Variants in HSF1 observed in about 807,000 individuals in gnomAD.
The protein encoded by HSF1 is heat shock transcription factor 1, also known as heat shock factor protein 1.
Under a neutral mutation model 51.7 loss-of-function variants are expected in HSF1, and 32 were observed. That is an observed-to-expected ratio of 0.62 (90% CI 0.47 to 0.83). The LOEUF (loss-of-function observed/expected upper bound fraction) is 0.83. Among genes scored for constraint, HSF1 ranks in the 40% least tolerant of loss-of-function variants. The pLI is 0.00. For synonymous variants in HSF1, 396 were observed against 309.7 expected (o/e 1.28, Z -2.92); for missense variants, 727 against 717.0 (o/e 1.01, Z -0.16).
chr8:144,295,723 T>TTC (rs1815411065), intron 1 of HSF1, among the ~76,000 whole-genome samples: 3 of 151,716 alleles, frequency 2.0e-5, no homozygotes, highest in South Asian at 4.2e-4. Flanking sequence ...CTTTTTTTTT[T>TTC]TTTTCTTTTT....
intron 9 of HSF1, 95 bp from the exon 10 acceptor site, chr8:144,313,416 G>T: frequency 1.2e-6 from 1 of 800,178 alleles, no homozygotes; most frequent in Non-Finnish European, 2.1e-6. Context: ...GGTGCAGCCT[G>T]GGGGGTACAG....
intron 1 of HSF1, among the ~76,000 whole-genome samples, chr8:144,302,051 C>T (rs924229302): frequency 8.0e-6 from 1 of 125,774 alleles, no homozygotes; most frequent in African/African-American, 3.0e-5. Context: ...CTGTAATCCC[C>T]GCTACTCGGG....
intron 1 of HSF1, 66 bp from the exon 2 acceptor site, chr8:144,308,840 A>C (rs1816405048): frequency 7.8e-7 from 1 of 1,282,528 alleles, no homozygotes; most frequent in Non-Finnish European, 1.1e-6. Context: ...CGGCCTGGGG[A>C]AGGGGCGGCT....
chr8:144,313,501 C>T lies in HSF1; in HGVS notation c.1143-10C>T. On this transcript the variant is annotated splice_polypyrimidine_tract_variant and intron_variant, in intron 9 of 12. Coordinates refer to ENST00000528838, the MANE Select transcript of HSF1 (RefSeq NM_005526.4). ...GGCACTGGTTCAGGTACCGCCTTATCCCGGGCCAGGAATGAGCTCAGTGAC... is the reference window on the plus strand; with the variant it reads ...GGCACTGGTTCAGGTACCGCCTTATTCCGGGCCAGGAATGAGCTCAGTGAC... 2.5e-6 allele frequency: 4 copies of T among 1,591,480 alleles called. No homozygotes were observed. The highest frequency in any genetic ancestry group is 3.4e-6 in the Non-Finnish European group (4 of 1,160,610).
Position 144,291,849 on chromosome 8 carries a change from C to G in HSF1, c.92C>G (p.Thr31Ser). 6.5e-7 allele frequency: 1 copy of G among 1,546,006 alleles called. No homozygotes were observed. Among genetic ancestry groups the G allele is most frequent in the Non-Finnish European group, 8.7e-7 (1 of 1,151,570 alleles). The change falls in exon 1 of 13, where the codon ACC becomes AGC. Residue 31 changes from threonine to serine, a missense_variant. Thr to Ser is a moderately conservative substitution (Grantham distance 58). Around this residue, in one of 2 missense-constraint regions of HSF1, gnomAD observed 257 missense variants for 318.3 expected, o/e 0.81. Transcript: ENST00000528838. The surrounding 1 kb of genome is among the most constrained non-coding windows in gnomAD (Gnocchi z 4.1). ...KLWTLVSDPD[T>S]DALICWSPSG... is the part of the protein sequence containing the mutation. ...TGGACCCTCGTGAGCGACCCGGACA[C>G]CGACGCGCTCATCTGCTGGAGCCCG... is the stretch of plus-strand genomic sequence containing the variant.
chr8:144,311,469 TG>T (rs782399891), intron 6 of HSF1, 35 bp from the exon 7 acceptor site: 7 of 1,611,396 alleles, frequency 4.3e-6, no homozygotes, highest in South Asian at 1.1e-5. Flanking sequence ...TACCCCGAGG[TG>T]GGGGGTGGTG....
In HSF1 at chr8:144,297,519, T is replaced by A. The variant is rs149369456; in HGVS notation, c.117+5645T>A. ...ATGAGAAAGGTGCGGGTGGCTCAGATGTGGACAGAACCAGACCAGGGAACG... is the reference window on the plus strand; with the variant it reads ...ATGAGAAAGGTGCGGGTGGCTCAGAAGTGGACAGAACCAGACCAGGGAACG... On this transcript the variant is annotated intron_variant, in intron 1 of 12. Transcript: ENST00000528838. The surrounding 1 kb of genome is among the most constrained non-coding windows in gnomAD (Gnocchi z 4.6). Among the ~76,000 whole-genome samples the A allele has an allele frequency of 8.5e-4, 130 of 152,306 alleles. No homozygotes were observed. The highest frequency in any genetic ancestry group is 2.9e-3 in the African/African-American group (121 of 41,556).
intron 1 of HSF1, among the ~76,000 whole-genome samples, chr8:144,294,582 C>T (rs1370836523): frequency 6.6e-6 from 1 of 152,262 alleles, no homozygotes; most frequent in Non-Finnish European, 1.5e-5. Flanking sequence ...TGGCCAGTAA[C>T]TTTACTGAGC....
chr8:144,311,529 C>T lies in HSF1; in HGVS notation c.651C>T (p.Gly217=), dbSNP rs782779268. ...GCCCCCTGATGCTGAACGACAGTGG[C>T]TCAGCACATTCCATGCCCAAGTATA... ...RKIPLMLNDS[G]SAHSMPKYSR... The change falls in exon 7 of 13, where the codon GGC becomes GGT. Residue 217 remains glycine (G), a synonymous_variant. Coordinates refer to ENST00000528838, the MANE Select transcript of HSF1 (RefSeq NM_005526.4). 12 of 1,613,704 alleles carry T rather than the reference C, an allele frequency of 7.4e-6. No individual in the cohort carries two copies. In the East Asian group the frequency reaches 1.8e-4, roughly 24 times the overall value.
intron 6 of HSF1, 43 bp downstream of exon 6, chr8:144,311,425 G>T: frequency 1.2e-6 from 2 of 1,612,668 alleles, no homozygotes; most frequent in South Asian, 2.2e-5. Flanking sequence ...CGGGGCCCAG[G>T]GCTGTCCCCC....
chr8:144,293,213 GTGTT>G (rs1341156047), intron 1 of HSF1, among the ~76,000 whole-genome samples: 1 of 152,206 alleles, frequency 6.6e-6, no homozygotes, highest in Non-Finnish European at 1.5e-5. Context: ...TACCTACAGA[GTGTT>G]TGGAAATAAA....
intron 10 of HSF1, 24 bp downstream of exon 10, chr8:144,313,640 C>G (rs782291790): frequency 2.4e-6 from 1 of 421,336 alleles, no homozygotes; most frequent in African/African-American, 4.0e-5. Flanking sequence ...CGCCGCCCCG[C>G]CTCCCCGCCC....
In HSF1 at chr8:144,313,633, C is replaced by G. The variant is rs1258046501; in HGVS notation, c.1248+17C>G. The G allele has an allele frequency of 6.5e-6, 4 of 612,366 alleles. No homozygotes were observed. Among genetic ancestry groups the G allele is most frequent in the African/African-American group, 5.3e-5 (2 of 37,800 alleles). The allele number at this position is 612,366 out of a possible 1,614,324, so 37.9% of individuals were successfully genotyped here. A position where few individuals can be genotyped will look rare whatever the true frequency, so the allele number is the denominator to read the frequency against. Reference sequence around the variant, plus strand: ...CTGCTGGACGTGAGTGGAGCCCCGCCGCCCCGCCTCCCCGCCCCGCCTCCC... The same window carrying G: ...CTGCTGGACGTGAGTGGAGCCCCGCGGCCCCGCCTCCCCGCCCCGCCTCCC... On this transcript the variant is annotated intron_variant, in intron 10 of 12. Coordinates refer to ENST00000528838, the MANE Select transcript of HSF1 (RefSeq NM_005526.4).
chr8:144,313,919 G>A lies in HSF1; in HGVS notation c.1314+8G>A. 1 of 1,609,826 alleles carries A rather than the reference G, an allele frequency of 6.2e-7. No homozygotes were observed. The highest frequency in any genetic ancestry group is 2.2e-5 in the East Asian group (1 of 44,734). ...GACAGCAGCCTGGCCAGTGTGCGTA[G>A]GCGGGCGGGGGGTGAGGGGGAACGA... On this transcript the variant is annotated splice_region_variant and intron_variant, in intron 11 of 12. Coordinates refer to ENST00000528838, the MANE Select transcript of HSF1 (RefSeq NM_005526.4).
chr8:144,292,018 G>A, intron 1 of HSF1, 144 bp downstream of exon 1: 1 of 459,810 alleles, frequency 2.2e-6, no homozygotes, highest in Non-Finnish European at 3.8e-6. Context: ...CCAGAGAAGG[G>A]CGGCGGGTCC....
chr8:144,307,649 A>G (rs139238778), intron 1 of HSF1, among the ~76,000 whole-genome samples: 145,964 of 152,056 alleles, frequency 0.96, 70,162 homozygotes, highest in East Asian at 1. Context: ...CAGGAGAATC[A>G]CTTGAACTCG....
chr8:144,309,210 G>A, intron 2 of HSF1, 196 bp downstream of exon 2: 1 of 663,350 alleles, frequency 1.5e-6, no homozygotes, highest in Non-Finnish European at 2.6e-6. Flanking sequence ...ATGAACCTGG[G>A]GTCCCCATGG....
In HSF1 at chr8:144,300,419, G is replaced by A. The variant is rs573594232; in HGVS notation, c.118-8487G>A. ...TTTTTAGTAGAGATGGGGTTTCACC[G>A]TGTTAGCCAGGATGGTCTCAATCTC... On this transcript the variant is annotated intron_variant, in intron 1 of 12. Coordinates refer to ENST00000528838, the MANE Select transcript of HSF1 (RefSeq NM_005526.4). Among the ~76,000 whole-genome samples, 16 of 151,858 alleles carry A rather than the reference G, an allele frequency of 1.1e-4. No individual in the cohort carries two copies. In the East Asian group the frequency reaches 1.7e-3, roughly 17 times the overall value.
intron 2 of HSF1, 154 bp from the exon 3 acceptor site, chr8:144,309,301 A>T (rs1167897459): frequency 1.9e-6 from 2 of 1,045,886 alleles, no homozygotes; most frequent in Non-Finnish European, 2.8e-6. Context: ...CCCTTAGACC[A>T]AGGCCACTCG....
Sources: allele counts gnomAD v4.1 joint callset (sites outside exome capture counted in the v4.1 genomes callset), GRCh38; gene constraint gnomAD v4.1.1; regional missense constraint gnomAD v4.1.1; non-coding constraint Gnocchi (gnomAD v3.1); transcripts MANE v1.5; gene names NCBI Gene and HGNC (gene_info 2026-07-23, HGNC 2026-07-21).